Variants in ASAP1 observed in about 807,000 individuals in gnomAD.
The protein encoded by ASAP1 is ArfGAP with SH3 domain, ankyrin repeat and PH domain 1.
ASAP1 carries 43 observed loss-of-function variants against 145.2 expected under a neutral mutation model. The ratio of observed to expected loss-of-function variants is 0.30; its 90% CI spans 0.23 to 0.38. ASAP1 has a LOEUF of 0.38. Ranked by LOEUF, ASAP1 falls within the 10% of genes least tolerant of loss-of-function variation. The pLI is 1.00. For synonymous variants in ASAP1, 546 were observed against 515.5 expected, an observed-to-expected ratio of 1.06 and a Z score of -0.80; for missense variants, 1,018 against 1,355.3, an observed-to-expected ratio of 0.75 and a Z score of 3.91.
intron 3 of ASAP1, among the ~76,000 whole-genome samples, chr8:130,341,344 T>C (rs527825780): frequency 1.3e-5 from 2 of 152,224 alleles, no homozygotes; most frequent in South Asian, 2.1e-4. Flanking sequence ...AGCGCTTGAG[T>C]TGACTTAACC....
At chr8:130,126,913 C>T (rs976462635) in intron 16 of ASAP1, among the ~76,000 whole-genome samples, 1 of 152,140 alleles carries the variant, frequency 6.6e-6, no homozygotes, top group Admixed American at 6.5e-5. Context: ...AGCTGTGTGA[C>T]CTTATGCAAG....
intron 13 of ASAP1, among the ~76,000 whole-genome samples, chr8:130,148,264 A>C (rs1003208037): frequency 6.6e-5 from 10 of 152,232 alleles, no homozygotes; most frequent in African/African-American, 2.4e-4. Flanking sequence ...ACAGGCTTTA[A>C]GGCTGGAAAA....
rs545391371 is a variant in ASAP1 at position 130,053,068 on chromosome 8, G to A, written c.*1663C>T. 2.1e-4 allele frequency: 32 copies of A among 152,286 alleles called. No homozygotes were observed. Among genetic ancestry groups the A allele is most frequent in the African/African-American group, 6.7e-4 (28 of 41,566 alleles). The allele number at this position is 152,286 out of a possible 1,614,324, so 9.4% of individuals were successfully genotyped here. A position where few individuals can be genotyped will look rare whatever the true frequency, so the allele number is the denominator to read the frequency against. Reference sequence around the variant, plus strand: ...ATATTTTGCAGGTTTGTCATGCAAGGTTTATTTATTAGGTGGCTATTCAAA... The same window carrying A: ...ATATTTTGCAGGTTTGTCATGCAAGATTTATTTATTAGGTGGCTATTCAAA... On this transcript the variant is annotated 3_prime_UTR_variant, in exon 30 of 30. Transcript: ENST00000518721.
intron 2 of ASAP1, among the ~76,000 whole-genome samples, chr8:130,388,723 T>C (rs1023735473): frequency 6.6e-6 from 1 of 152,178 alleles, no homozygotes; most frequent in African/African-American, 2.4e-5. Context: ...AGTGATCAAC[T>C]GGGTCAGATG....
At chr8:130,276,728 A>ACACACACACTCTCTCTCTCT (rs548512902) in intron 3 of ASAP1, among the ~76,000 whole-genome samples, 57 of 87,306 alleles carry the variant, frequency 6.5e-4, no homozygotes, top group East Asian at 2.0e-3. Flanking sequence ...ACACACACAC[A>ACACACACACTCTCTCTCTCT]CTCTCTCTCT....
chr8:130,406,043 T>C (rs1390533709), intron 1 of ASAP1, among the ~76,000 whole-genome samples: 1 of 152,262 alleles, frequency 6.6e-6, no homozygotes, highest in Admixed American at 6.5e-5. Flanking sequence ...ATACTGTTCC[T>C]ATACTAAGGC....
chr8:130,204,422 G>T (rs139308428), intron 5 of ASAP1, among the ~76,000 whole-genome samples: 390 of 152,282 alleles, frequency 2.6e-3, no homozygotes, highest in African/African-American at 9.2e-3. Context: ...CTGTGACTCA[G>T]TTTGTGAGCT....
At chr8:130,155,580 C>G (rs117910830) in intron 12 of ASAP1, among the ~76,000 whole-genome samples, 1 of 152,212 alleles carries the variant, frequency 6.6e-6, no homozygotes, top group Admixed American at 6.5e-5. Flanking sequence ...CTGGTGGGCT[C>G]ACGTGATCTG....
At chr8:130,069,390 C>G (rs2097437257) in intron 27 of ASAP1, among the ~76,000 whole-genome samples, 1 of 152,104 alleles carries the variant, frequency 6.6e-6, no homozygotes, top group Non-Finnish European at 1.5e-5. Flanking sequence ...CATGTGGCAC[C>G]ACGCCTGGCT....
chr8:130,439,666 G>C (rs764969862), intron 1 of ASAP1, among the ~76,000 whole-genome samples: 21 of 152,182 alleles, frequency 1.4e-4, no homozygotes, highest in Non-Finnish European at 2.6e-4. Context: ...AAGCATCTTC[G>C]AGGAGATAAA....
chr8:130,150,957 C>G (rs967669629), intron 13 of ASAP1, among the ~76,000 whole-genome samples: 2 of 152,162 alleles, frequency 1.3e-5, no homozygotes, highest in African/African-American at 4.8e-5. Context: ...AATGTTCACT[C>G]TGGCATACAC....
intron 22 of ASAP1, 133 bp from the exon 23 acceptor site, chr8:130,115,868 T>G (rs1490039876): frequency 1.5e-6 from 1 of 677,246 alleles, no homozygotes; most frequent in African/African-American, 1.8e-5. Context: ...TAGGCAACAC[T>G]CTGCTTAGAC....
chr8:130,145,471 C>A (rs1418618105), intron 13 of ASAP1, among the ~76,000 whole-genome samples: 2 of 152,140 alleles, frequency 1.3e-5, no homozygotes. Flanking sequence ...GCACGCGCCA[C>A]CACACCCGGC....
chr8:130,130,123 T>C (rs564819880), intron 15 of ASAP1, among the ~76,000 whole-genome samples: 3 of 152,352 alleles, frequency 2.0e-5, no homozygotes, highest in African/African-American at 7.2e-5. Flanking sequence ...TTACAATTTT[T>C]AACATATAGA....
In ASAP1 at chr8:130,163,643, T is replaced by G. The variant is rs183920042; in HGVS notation, c.910-3679A>C. Among the ~76,000 whole-genome samples the G allele has an allele frequency of 2.6e-5, 4 of 152,292 alleles. No homozygotes were observed. In the East Asian group the frequency reaches 7.7e-4, roughly 29 times the overall value. ...TGCTAAGCAGGGCACTCTAGACAAA[T>G]GCAAAGAGGATTTTCTTTCCTGAGA... On this transcript the variant is annotated intron_variant, in intron 11 of 29. Coordinates refer to ENST00000518721, the MANE Select transcript of ASAP1 (RefSeq NM_018482.4).
chr8:130,176,281 A>G (rs1813946765), intron 9 of ASAP1, among the ~76,000 whole-genome samples: 1 of 152,212 alleles, frequency 6.6e-6, no homozygotes, highest in Non-Finnish European at 1.5e-5. Context: ...CTTAAAAACA[A>G]AACAAAACAA....
chr8:130,070,664 T>C (rs1011691923), intron 27 of ASAP1, among the ~76,000 whole-genome samples: 1 of 151,650 alleles, frequency 6.6e-6, no homozygotes, highest in Non-Finnish European at 1.5e-5. Context: ...GTTACCCCTA[T>C]GACATCTGAA....
rs148203617 is a variant in ASAP1, at chr8:130,274,897, A to C, written c.187-37903T>G. On this transcript the variant is annotated intron_variant, in intron 3 of 29. Transcript: ENST00000518721. ...GTATACCTGTGGGTGGAAATGGAGG[A>C]TAAACCTCTCTTCGCTTTTCCTCAT... 2.6e-3 allele frequency among the ~76,000 whole-genome samples: 395 copies of C among 152,348 alleles called. 1 individual carries two copies. Among genetic ancestry groups the C allele is most frequent in the Non-Finnish European group, 4.8e-3 (329 of 68,040 alleles).
chr8:130,090,286 G>A (rs1054810084), intron 25 of ASAP1, among the ~76,000 whole-genome samples: 5 of 107,876 alleles, frequency 4.6e-5, no homozygotes, highest in Middle Eastern at 4.6e-3. Flanking sequence ...TTAAACAAGA[G>A]GATTAAAACT....
Sources: gnomAD v4.1 joint callset for allele counts (sites outside exome capture counted in the v4.1 genomes callset) on GRCh38, gnomAD v4.1.1 for gene constraint, MANE v1.5 for transcripts, NCBI Gene and HGNC (gene_info 2026-07-23, HGNC 2026-07-21) for gene names.